ATF7: variants seen among roughly 807,000 people sequenced by gnomAD.
ATF7 encodes activating transcription factor 7, also known as cyclic AMP-dependent transcription factor ATF-7.
Under a neutral mutation model 50.4 loss-of-function variants are expected in ATF7, and 10 were observed. The observed-to-expected ratio is 0.20, with a 90% CI of 0.12 to 0.34. The LOEUF (loss-of-function observed/expected upper bound fraction) is 0.34, where lower values mean the gene tolerates loss of function less well. Among genes scored for constraint, ATF7 ranks in the 10% least tolerant of loss-of-function variants. The probability of loss-of-function intolerance (pLI) is 1.00; values close to 1 mark genes in which losing one functional copy is unlikely to be tolerated. For synonymous variants in ATF7, 201 were observed against 226.4 expected (o/e 0.89, Z 1.01); for missense variants, 465 against 613.9 (o/e 0.76, Z 2.56).
chr12:53,614,807 G>A (rs911024949), intron 1 of ATF7, among the ~76,000 whole-genome samples: 1 of 152,230 alleles, frequency 6.6e-6, no homozygotes, highest in Non-Finnish European at 1.5e-5. Flanking sequence ...TTGGCTGGGC[G>A]TGGTGGCTCA....
chr12:53,615,004 C>T (rs954494956), intron 1 of ATF7, among the ~76,000 whole-genome samples: 14 of 151,864 alleles, frequency 9.2e-5, no homozygotes, highest in Non-Finnish European at 1.8e-4. Flanking sequence ...CACTTGAACC[C>T]AGGAGGCAGA....
intron 11 of ATF7, among the ~76,000 whole-genome samples, chr12:53,520,076 TTTTTA>T (rs1336456565): frequency 6.6e-6 from 1 of 152,196 alleles, no homozygotes; most frequent in Non-Finnish European, 1.5e-5. Context: ...TTGAAACACT[TTTTTA>T]TTTTGATTTA....
In ATF7 at chr12:53,513,093, G is replaced by A. The variant is rs1184723122; in HGVS notation, c.*4044C>T. 1 of 151,980 alleles carries A rather than the reference G, an allele frequency of 6.6e-6. No homozygotes were observed. The highest frequency in any genetic ancestry group is 1.9e-4 in the East Asian group (1 of 5,184). The allele number at this position is 151,980 out of a possible 1,614,324, so 9.4% of individuals were successfully genotyped here. A position where few individuals can be genotyped will look rare whatever the true frequency, so the allele number is the denominator to read the frequency against. ...TAGCTACTGCTGGTGAGATAACTCT[G>A]TGCTATTAGCCCCCCATTAAAAAAA... On this transcript the variant is annotated 3_prime_UTR_variant, in exon 12 of 12. Transcript: ENST00000420353.
chr12:53,537,060 C>T (rs1478498834), intron 5 of ATF7, among the ~76,000 whole-genome samples: 9 of 151,860 alleles, frequency 5.9e-5, no homozygotes, highest in Admixed American at 5.3e-4. Flanking sequence ...TACAATCGGT[C>T]CTCCTATAAT....
At chr12:53,567,923 A>C (rs187016571) in intron 2 of ATF7, among the ~76,000 whole-genome samples, 1 of 152,234 alleles carries the variant, frequency 6.6e-6, no homozygotes, top group African/African-American at 2.4e-5. Flanking sequence ...CCAAATTCTT[A>C]TTAGGATGTT....
At chr12:53,611,456 C>A (rs1033718031) in intron 1 of ATF7, among the ~76,000 whole-genome samples, 1 of 151,930 alleles carries the variant, frequency 6.6e-6, no homozygotes, top group African/African-American at 2.4e-5. Flanking sequence ...TATCGCAAAA[C>A]AAACAAACAA....
intron 4 of ATF7, among the ~76,000 whole-genome samples, chr12:53,540,631 C>G (rs1250436845): frequency 6.6e-6 from 1 of 151,922 alleles, no homozygotes; most frequent in African/African-American, 2.4e-5. Context: ...GAGGCTGAGG[C>G]AGGAGAATCG....
intron 2 of ATF7, among the ~76,000 whole-genome samples, chr12:53,595,514 T>C (rs1351521930): frequency 6.6e-6 from 1 of 152,216 alleles, no homozygotes; most frequent in African/African-American, 2.4e-5. Context: ...TTGTGTTATA[T>C]AGGCAATAAA....
chr12:53,548,181 AAAATTTTTT>A (rs992036913), intron 3 of ATF7, among the ~76,000 whole-genome samples: 1 of 151,344 alleles, frequency 6.6e-6, no homozygotes, highest in African/African-American at 2.4e-5. Context: ...GCTAATTTTT[AAAATTTTTT>A]GTTAAGATGG....
intron 9 of ATF7, among the ~76,000 whole-genome samples, chr12:53,527,337 C>G (rs949324929): frequency 5.3e-5 from 8 of 151,770 alleles, no homozygotes; most frequent in Non-Finnish European, 1.2e-4. Context: ...ATAAAATTAG[C>G]TGGGCATGGT....
chr12:53,617,205 T>C (rs572035073), intron 1 of ATF7, among the ~76,000 whole-genome samples: 17 of 152,252 alleles, frequency 1.1e-4, no homozygotes, highest in South Asian at 8.3e-4. Flanking sequence ...GTATTTTTTA[T>C]AGAGACAGGG....
chr12:53,546,046 G>A (rs2137457048), intron 3 of ATF7, among the ~76,000 whole-genome samples: 1 of 152,224 alleles, frequency 6.6e-6, no homozygotes, highest in East Asian at 1.9e-4. Context: ...TACAAAATTA[G>A]CCAGGCATGG....
chr12:53,524,570 C>T lies in ATF7; in HGVS notation c.1119G>A (p.Gln373=). The T allele has an allele frequency of 2.5e-6, 4 of 1,613,852 alleles. No individual in the cohort carries two copies. The highest frequency in any genetic ancestry group is 3.4e-6 in the Non-Finnish European group (4 of 1,179,894). Residue 373 remains glutamine (Q), a synonymous_variant, in exon 10 of 12, where the codon CAG becomes CAA. Transcript: ENST00000420353. This position sits in a 1 kb window ranked among gnomAD's most constrained non-coding sequence, Gnocchi z 4.6. ...GCATCCAGGACCCACTCACACTCAG[C>T]TGAATGTTCTGAGAAGTGAGTTCTT... ...KAEELTSQNI[Q]LSNEVTLLRN...
rs1941126954 is a variant in ATF7 at position 53,561,727 on chromosome 12, A to C, written c.49-9090T>G. 2.0e-5 allele frequency among the ~76,000 whole-genome samples: 3 copies of C among 152,220 alleles called. No individual in the cohort carries two copies. In the South Asian group the frequency reaches 6.2e-4, roughly 32 times the overall value. On this transcript the variant is annotated intron_variant, in intron 2 of 11. Transcript: ENST00000420353. ...GCCAATGATGGGAAATAAATAAATA[A>C]AAGGAAAAAAAAGATGCTACTGTTT...
intron 2 of ATF7, among the ~76,000 whole-genome samples, chr12:53,569,968 C>T (rs1437928636): frequency 2.0e-5 from 3 of 152,098 alleles, no homozygotes; most frequent in African/African-American, 2.4e-5. Flanking sequence ...TGAGCCACCG[C>T]GCCTGGCCAT....
chr12:53,610,508 T>A (rs1199856836), intron 1 of ATF7, among the ~76,000 whole-genome samples: 1 of 145,172 alleles, frequency 6.9e-6, no homozygotes, highest in Non-Finnish European at 1.5e-5. Flanking sequence ...GAGGTTGCAG[T>A]GAGCTGAGAT....
chr12:53,607,859 T>C (rs1053310776), intron 1 of ATF7, among the ~76,000 whole-genome samples: 8 of 152,186 alleles, frequency 5.3e-5, no homozygotes, highest in Non-Finnish European at 8.8e-5. Context: ...ACAGATTGCT[T>C]TTAGTAAATC....
intron 2 of ATF7, among the ~76,000 whole-genome samples, chr12:53,585,132 C>T (rs1344999188): frequency 6.6e-6 from 1 of 152,056 alleles, no homozygotes; most frequent in Non-Finnish European, 1.5e-5. Context: ...ATTACCACAC[C>T]TGGCTAATTT....
chr12:53,527,123 C>A lies in ATF7; in HGVS notation c.928-2362G>T, dbSNP rs571497941. ...GCAGTGAGCCGAGATTGCGCCACTG[C>A]ACTCCAGCCTGGGCAACAGAGCGAG... On this transcript the variant is annotated intron_variant, in intron 9 of 11. Coordinates refer to ENST00000420353, the MANE Select transcript of ATF7 (RefSeq NM_006856.3). Among the ~76,000 whole-genome samples the A allele has an allele frequency of 2.3e-4, 35 of 150,698 alleles. 1 individual carries two copies. The highest frequency in any genetic ancestry group is 8.1e-4 in the African/African-American group (33 of 40,916).
Sources: gnomAD v4.1 joint callset for allele counts (sites outside exome capture counted in the v4.1 genomes callset) on GRCh38, gnomAD v4.1.1 for gene constraint, Gnocchi (gnomAD v3.1) non-coding constraint, MANE v1.5 for transcripts, NCBI Gene and HGNC (gene_info 2026-07-23, HGNC 2026-07-21) for gene names.